The following SDK1 variants were observed in gnomAD, a reference collection of about 807,000 sequenced individuals.
SDK1 encodes sidekick cell adhesion molecule 1, also known as protein sidekick-1.
In SDK1, 157 loss-of-function variants were observed where a neutral mutation model predicts 245.5. That is an observed-to-expected ratio of 0.64 (90% CI 0.56 to 0.73). The LOEUF (loss-of-function observed/expected upper bound fraction) is 0.73. Ranked by LOEUF, SDK1 falls within the 30% of genes least tolerant of loss-of-function variation. The pLI is 0.00. For missense variants in SDK1, 3,583 were observed against 3,002.3 expected (o/e 1.19, Z -4.52); for synonymous variants, 1,647 against 1,278.5 (o/e 1.29, Z -6.15).
At chr7:4,076,245 A>G (rs1780670270) in intron 20 of SDK1, among the ~76,000 whole-genome samples, 1 of 152,238 alleles carries the variant, frequency 6.6e-6, no homozygotes, top group African/African-American at 2.4e-5. Context: ...GATTTAAGGT[A>G]CAAAAAATAT....
In SDK1 at chr7:4,089,623, A is replaced by G. The variant is rs114876510; in HGVS notation, c.3324+10039A>G. Among the ~76,000 whole-genome samples, 680 of 152,320 alleles carry G rather than the reference A, an allele frequency of 4.5e-3. 5 individuals carry two copies. Among genetic ancestry groups the G allele is most frequent in the African/African-American group, 0.016 (648 of 41,578 alleles). On this transcript the variant is annotated intron_variant, in intron 22 of 44. Transcript: ENST00000404826. ...TGTCTCTGAGTGTCCAGGGCAGGGAAGCTCCGTCACGTGGAGCCCACGTGT... is the reference window on the plus strand; with the variant it reads ...TGTCTCTGAGTGTCCAGGGCAGGGAGGCTCCGTCACGTGGAGCCCACGTGT...
intron 4 of SDK1, among the ~76,000 whole-genome samples, chr7:3,809,048 T>C (rs571677638): frequency 2.0e-5 from 3 of 152,110 alleles, no homozygotes; most frequent in African/African-American, 2.4e-5. Context: ...GACGGGGTAA[T>C]TTATAAAGAA....
chr7:4,029,647 G>C lies in SDK1; in HGVS notation c.2602+12295G>C, dbSNP rs576084481. ...ACATCACCCAAGCAGGGTGGGGATT[G>C]AGCTATGCCCAAAGAGTGTGATTTA... is the stretch of plus-strand genomic sequence containing the variant. On this transcript the variant is annotated intron_variant, in intron 17 of 44. Transcript: ENST00000404826. 1.4e-4 allele frequency among the ~76,000 whole-genome samples: 21 copies of C among 152,242 alleles called. No homozygotes were observed. In the South Asian group the frequency reaches 3.9e-3, roughly 29 times the overall value.
At chr7:3,847,947 A>AAC (rs1411755989) in intron 5 of SDK1, among the ~76,000 whole-genome samples, 1 of 152,072 alleles carries the variant, frequency 6.6e-6, no homozygotes, top group African/African-American at 2.4e-5. Context: ...ATGTTCTTTT[A>AAC]TGCTTGAAAA....
At chr7:3,353,281 A>C (rs1041229067) in intron 1 of SDK1, among the ~76,000 whole-genome samples, 3 of 152,200 alleles carry the variant, frequency 2.0e-5, no homozygotes, top group African/African-American at 7.2e-5. Context: ...AGCCACTTAC[A>C]AACTTTGATG....
At chr7:3,323,916 A>G (rs1779879114) in intron 1 of SDK1, among the ~76,000 whole-genome samples, 1 of 152,172 alleles carries the variant, frequency 6.6e-6, no homozygotes. Context: ...GTAAAATGTC[A>G]TCTTCTCTGT....
At position 3,921,420 on chromosome 7, in the gene SDK1, A is replaced by G. The variant is rs114997164; in HGVS notation, c.848-29503A>G. Among the ~76,000 whole-genome samples, 970 of 152,328 alleles carry G rather than the reference A, an allele frequency of 6.4e-3. 14 individuals are homozygous for G. Among genetic ancestry groups the G allele is most frequent in the African/African-American group, 0.022 (925 of 41,556 alleles). On this transcript the variant is annotated intron_variant, in intron 5 of 44. Coordinates refer to ENST00000404826, the MANE Select transcript of SDK1 (RefSeq NM_152744.4). Reference sequence around the variant, plus strand: ...TTTCACCACATTAGACGGAATGGCAAATATTCTTGTAGCTACATATATGCA... The same window carrying G: ...TTTCACCACATTAGACGGAATGGCAGATATTCTTGTAGCTACATATATGCA...
intron 19 of SDK1, among the ~76,000 whole-genome samples, chr7:4,061,427 A>G (rs1472168953): frequency 2.0e-5 from 3 of 152,182 alleles, no homozygotes; most frequent in Admixed American, 6.5e-5. Context: ...CAAAACCACA[A>G]TGAGATACCA....
chr7:3,951,892 C>T lies in SDK1; in HGVS notation c.1122C>T (p.Ala374=). 2.5e-6 allele frequency: 4 copies of T among 1,613,326 alleles called. No individual in the cohort carries two copies. The highest frequency in any genetic ancestry group is 2.2e-5 in the East Asian group (1 of 44,876). Residue 374 remains alanine (A), a synonymous_variant, in exon 7 of 45, where the codon GCC becomes GCT. Coordinates refer to ENST00000404826, the MANE Select transcript of SDK1 (RefSeq NM_152744.4). ...TGCCGGGGAGCGCTTTTGAACCGGC[C>T]AGGGCGACGGCCTTTCTTTTCATCA... ...AALPGSAFEP[A]RATAFLFIIE...
intron 17 of SDK1, among the ~76,000 whole-genome samples, chr7:4,028,623 C>A (rs1377584834): frequency 1.3e-5 from 2 of 152,204 alleles, no homozygotes; most frequent in Non-Finnish European, 2.9e-5. Flanking sequence ...TTGGAGGAGG[C>A]TAGAATTTCA....
intron 4 of SDK1, among the ~76,000 whole-genome samples, chr7:3,644,850 A>G (rs1318665942): frequency 6.6e-6 from 1 of 151,450 alleles, no homozygotes; most frequent in Non-Finnish European, 1.5e-5. Context: ...TTCTTGTATA[A>G]ATATTCTAGA....
chr7:3,304,741 C>G (rs1442268208), intron 1 of SDK1, among the ~76,000 whole-genome samples: 1 of 152,174 alleles, frequency 6.6e-6, no homozygotes, highest in African/African-American at 2.4e-5. Flanking sequence ...TCACTTATTA[C>G]CTTGTGTTTC....
chr7:4,010,402 T>C (rs997608587), intron 14 of SDK1, among the ~76,000 whole-genome samples: 11 of 152,164 alleles, frequency 7.2e-5, no homozygotes, highest in Non-Finnish European at 1.2e-4. Flanking sequence ...TGGGAAGATA[T>C]TCTAAGCTCG....
Position 3,908,224 on chromosome 7 carries a change from C to T in SDK1, c.848-42699C>T, listed in dbSNP as rs150738443. Among the ~76,000 whole-genome samples, 490 of 152,322 alleles carry T rather than the reference C, an allele frequency of 3.2e-3. 1 individual carries two copies. Among genetic ancestry groups the T allele is most frequent in the African/African-American group, 0.011 (456 of 41,570 alleles). ...TAACCCGGATGAGCGCCTTGTGTCC[C>T]GCTCACTTTGCGCGTTGGGCTGCAA... On this transcript the variant is annotated intron_variant, in intron 5 of 44. Coordinates refer to ENST00000404826, the MANE Select transcript of SDK1 (RefSeq NM_152744.4).
At chr7:3,815,637 T>A (rs1005940484) in intron 4 of SDK1, among the ~76,000 whole-genome samples, 3 of 150,106 alleles carry the variant, frequency 2.0e-5, no homozygotes, top group African/African-American at 7.5e-5. Flanking sequence ...ATAAAATGAG[T>A]TAGGGAGGAT....
intron 5 of SDK1, among the ~76,000 whole-genome samples, chr7:3,882,227 T>C (rs989848868): frequency 6.6e-6 from 1 of 152,026 alleles, no homozygotes; most frequent in African/African-American, 2.4e-5. Context: ...ACGTGGGAAT[T>C]CTGGGAGCTA....
chr7:3,389,874 T>G (rs1401105690), intron 1 of SDK1, among the ~76,000 whole-genome samples: 4 of 152,026 alleles, frequency 2.6e-5, no homozygotes, highest in Non-Finnish European at 5.9e-5. Flanking sequence ...CTTGAAAAAT[T>G]TTGAGGTACA....
At chr7:3,526,820 G>A (rs974208669) in intron 1 of SDK1, among the ~76,000 whole-genome samples, 1 of 152,130 alleles carries the variant, frequency 6.6e-6, no homozygotes, top group Non-Finnish European at 1.5e-5. Context: ...AACCACTAGA[G>A]TATGCATTTT....
In SDK1 at chr7:3,538,497, G is replaced by A. The variant is rs114224920; in HGVS notation, c.299-80583G>A. ...ATTTACCGTGAATCAATGTCATTTC[G>A]ACTCCAACACTTGCCTGTTTCCCTG... On this transcript the variant is annotated intron_variant, in intron 1 of 44. Coordinates refer to ENST00000404826, the MANE Select transcript of SDK1 (RefSeq NM_152744.4). Among the ~76,000 whole-genome samples the A allele has an allele frequency of 3.5e-3, 536 of 152,138 alleles. 2 individuals carry two copies. The highest frequency in any genetic ancestry group is 0.011 in the African/African-American group (471 of 41,492).
Sources: gnomAD v4.1 joint callset for allele counts (sites outside exome capture counted in the v4.1 genomes callset) on GRCh38, gnomAD v4.1.1 for gene constraint, MANE v1.5 for transcripts, NCBI Gene and HGNC (gene_info 2026-07-23, HGNC 2026-07-21) for gene names.